The following TNFSF4 variants were observed in gnomAD, a reference collection of about 807,000 sequenced individuals.
The protein encoded by TNFSF4 is tumor necrosis factor ligand superfamily member 4.
TNFSF4 carries 4 observed loss-of-function variants against 7.3 expected under a neutral mutation model. The ratio of observed to expected loss-of-function variants is 0.55; its 90% CI spans 0.27 to 1.25. TNFSF4 has a LOEUF of 1.25. Among genes scored for constraint, TNFSF4 ranks in the 50% most tolerant of loss-of-function variants. The pLI, the probability that TNFSF4 is intolerant of heterozygous loss-of-function variation, is 0.12. For missense variants in TNFSF4, 181 were observed against 208.8 expected (o/e 0.87, Z 0.82); for synonymous variants, 76 against 83.7 (o/e 0.91, Z 0.50).
chr1:173,203,571 T>C (rs1344684612), intron 1 of TNFSF4, among the ~76,000 whole-genome samples: 1 of 152,136 alleles, frequency 6.6e-6, no homozygotes, highest in Non-Finnish European at 1.5e-5. Flanking sequence ...CAAAGAAAGG[T>C]CCAAGTTGTA....
the TNFSF4 span, among the ~76,000 whole-genome samples, chr1:173,302,211 G>A: frequency 2.0e-5 from 3 of 151,842 alleles, no homozygotes; most frequent in African/African-American, 7.2e-5. Context: ...CACAAATATA[G>A]CTAGCATTTG....
chr1:173,353,925 C>A, the TNFSF4 span, among the ~76,000 whole-genome samples: 62 of 151,634 alleles, frequency 4.1e-4, no homozygotes, highest in African/African-American at 1.4e-3. Context: ...TTCTAAAGAA[C>A]TAGAAAAACA....
the TNFSF4 span, among the ~76,000 whole-genome samples, chr1:173,308,550 T>C: frequency 6.6e-6 from 1 of 151,944 alleles, no homozygotes; most frequent in Admixed American, 6.6e-5. Context: ...TGTTATAAAA[T>C]GCATTGATTT....
intron 2 of TNFSF4, among the ~76,000 whole-genome samples, chr1:173,187,637 G>T (rs1272211746): frequency 1.3e-5 from 2 of 152,208 alleles, no homozygotes; most frequent in African/African-American, 2.4e-5. Context: ...CCTGTTGCTA[G>T]TTTTTCCCGG....
chr1:173,382,779 A>G, the TNFSF4 span, among the ~76,000 whole-genome samples: 1 of 152,036 alleles, frequency 6.6e-6, no homozygotes, highest in Non-Finnish European at 1.5e-5. Context: ...ACCTACCCTC[A>G]GAGCCACTAT....
At chr1:173,387,204 A>G in the TNFSF4 span, among the ~76,000 whole-genome samples, 14 of 152,322 alleles carry the variant, frequency 9.2e-5, no homozygotes, top group Non-Finnish European at 1.5e-4. Context: ...TGTGATTTGC[A>G]TGTTTGTGTT....
At chr1:173,436,753 A>G in the TNFSF4 span, among the ~76,000 whole-genome samples, 1 of 152,102 alleles carries the variant, frequency 6.6e-6, no homozygotes, top group Non-Finnish European at 1.5e-5. Context: ...TTTTTTTTTA[A>G]GCCCTCAGGC....
the TNFSF4 span, among the ~76,000 whole-genome samples, chr1:173,273,064 C>T: frequency 1.3e-5 from 2 of 152,116 alleles, no homozygotes; most frequent in Non-Finnish European, 2.9e-5. Context: ...ATCAGTCTTC[C>T]TCAATTAGGG....
chr1:173,309,303 A>G, the TNFSF4 span, among the ~76,000 whole-genome samples: 20 of 151,916 alleles, frequency 1.3e-4, no homozygotes, highest in South Asian at 6.2e-4. Flanking sequence ...TTGATCTCAA[A>G]GGGAAACTGT....
chr1:173,308,604 C>A, the TNFSF4 span, among the ~76,000 whole-genome samples: 1 of 151,742 alleles, frequency 6.6e-6, no homozygotes, highest in Non-Finnish European at 1.5e-5. Context: ...TAAAACTACT[C>A]CAAAACTAAG....
the TNFSF4 span, among the ~76,000 whole-genome samples, chr1:173,312,236 T>C: frequency 6.6e-6 from 1 of 152,126 alleles, no homozygotes; most frequent in Non-Finnish European, 1.5e-5. Context: ...TTTATCACCT[T>C]GACATAACTT....
intron 1 of TNFSF4, among the ~76,000 whole-genome samples, chr1:173,199,227 C>A (rs1172037486): frequency 2.0e-5 from 3 of 152,206 alleles, no homozygotes; most frequent in Non-Finnish European, 4.4e-5. Context: ...TGACAGGTAA[C>A]TGATGCTCCA....
the TNFSF4 span, among the ~76,000 whole-genome samples, chr1:173,278,756 T>C: frequency 6.6e-6 from 1 of 152,056 alleles, no homozygotes; most frequent in African/African-American, 2.4e-5. Flanking sequence ...GTGTTCCAGC[T>C]ACCAGAAGCA....
upstream of TNFSF4, among the ~76,000 whole-genome samples, chr1:173,209,505 A>C (rs765277301): frequency 1.6e-4 from 24 of 151,992 alleles, no homozygotes; most frequent in Non-Finnish European, 2.5e-4. Context: ...TTTCATTTGC[A>C]TTTATTTATT....
the TNFSF4 span, among the ~76,000 whole-genome samples, chr1:173,315,020 T>C: frequency 1.3e-5 from 2 of 152,078 alleles, no homozygotes; most frequent in South Asian, 4.1e-4. Flanking sequence ...TGGTGGAAGA[T>C]TTCAACAGTA....
the TNFSF4 span, among the ~76,000 whole-genome samples, chr1:173,286,514 A>G: frequency 2.0e-5 from 3 of 152,220 alleles, no homozygotes; most frequent in Non-Finnish European, 4.4e-5. Flanking sequence ...AGTCAATTCA[A>G]TAGATAGTGA....
the TNFSF4 span, among the ~76,000 whole-genome samples, chr1:173,393,952 A>G: frequency 6.6e-6 from 1 of 152,350 alleles, no homozygotes; most frequent in East Asian, 1.9e-4. Context: ...TTTCCTGACA[A>G]AGAAAAAAAG....
the TNFSF4 span, among the ~76,000 whole-genome samples, chr1:173,251,037 T>C: frequency 0.035 from 5,307 of 152,302 alleles, 132 homozygotes; most frequent in Non-Finnish European, 0.053. Context: ...CTAAGACCTA[T>C]TGAATCAGAA....
In TNFSF4 at chr1:173,207,134, C is replaced by T. The variant is rs371334974; in HGVS notation, c.43G>A (p.Ala15Thr). The T allele has an allele frequency of 6.2e-7, 1 of 1,613,712 alleles. No individual in the cohort carries two copies. Among genetic ancestry groups the T allele is most frequent in the Non-Finnish European group, 8.5e-7 (1 of 1,179,844 alleles). The change falls in exon 1 of 3, where the codon GCC becomes ACC. Residue 15 changes from alanine (A) to threonine (T), a missense_variant. Coordinates refer to ENST00000281834, the MANE Select transcript of TNFSF4 (RefSeq NM_003326.5). ...TTGTTCCTCTCGAATCTTGGCCTGG[C>T]TGCATTTCCCACATTCTCTTCCAGG... ...QPLEENVGNA[A>T]RPRFERNKLL... is the part of the protein sequence containing the mutation.
Sources: allele counts gnomAD v4.1 joint callset (sites outside exome capture counted in the v4.1 genomes callset), GRCh38; gene constraint gnomAD v4.1.1; transcripts MANE v1.5; gene names NCBI Gene and HGNC (gene_info 2026-07-23, HGNC 2026-07-21).